The following WIF1 variants were observed in gnomAD, a reference collection of about 807,000 sequenced individuals.
WIF1 encodes Wnt inhibitory factor 1.
WIF1 carries 35 observed loss-of-function variants against 53.5 expected under a neutral mutation model. The ratio of observed to expected loss-of-function variants is 0.65; its 90% CI spans 0.50 to 0.87. The LOEUF is 0.87. Ranked by LOEUF, WIF1 falls within the 40% of genes least tolerant of loss-of-function variation. The pLI, the probability that WIF1 is intolerant of heterozygous loss-of-function variation, is 0.00. For synonymous variants in WIF1, 171 were observed against 170.4 expected (o/e 1.00, Z -0.03); for missense variants, 467 against 476.8 (o/e 0.98, Z 0.19).
At chr12:65,059,266 T>A (rs1882575441) in intron 7 of WIF1, among the ~76,000 whole-genome samples, 1 of 152,216 alleles carries the variant, frequency 6.6e-6, no homozygotes, top group African/African-American at 2.4e-5. Flanking sequence ...GACAGTTAAA[T>A]GAAGAAAACA....
chr12:65,051,525 G>T, intron 9 of WIF1, 55 bp from the exon 10 acceptor site: 1 of 1,500,284 alleles, frequency 6.7e-7, no homozygotes, highest in Non-Finnish European at 8.9e-7. Flanking sequence ...AGGCTCTTCA[G>T]ATTCATTATT....
At chr12:65,075,364 A>T (rs1472782406) in intron 3 of WIF1, among the ~76,000 whole-genome samples, 1 of 152,186 alleles carries the variant, frequency 6.6e-6, no homozygotes, top group Non-Finnish European at 1.5e-5. Flanking sequence ...TCCGAAGGGG[A>T]TTTTTACTTG....
intron 2 of WIF1, among the ~76,000 whole-genome samples, chr12:65,086,883 C>T (rs577742924): frequency 7.9e-5 from 12 of 152,098 alleles, no homozygotes; most frequent in African/African-American, 2.7e-4. Context: ...GTGGCTCACA[C>T]CTGTAATCCC....
intron 2 of WIF1, among the ~76,000 whole-genome samples, chr12:65,104,682 A>G (rs1883329038): frequency 6.6e-6 from 1 of 152,034 alleles, no homozygotes; most frequent in Non-Finnish European, 1.5e-5. Flanking sequence ...AGCATTAGAC[A>G]TTTTCCTCTA....
At chr12:65,087,431 C>T (rs1305717083) in intron 2 of WIF1, among the ~76,000 whole-genome samples, 2 of 152,048 alleles carry the variant, frequency 1.3e-5, no homozygotes, top group Non-Finnish European at 2.9e-5. Context: ...TGTATATTTA[C>T]TTCATTCTAT....
At chr12:65,066,488 T>C (rs939722961) in intron 6 of WIF1, among the ~76,000 whole-genome samples, 153 bp downstream of exon 6, 3 of 152,168 alleles carry the variant, frequency 2.0e-5, no homozygotes, top group Non-Finnish European at 4.4e-5. Flanking sequence ...TATGCTACAC[T>C]AAAATTGGGA....
intron 2 of WIF1, among the ~76,000 whole-genome samples, chr12:65,085,983 G>T (rs1439444596): frequency 6.6e-6 from 1 of 152,074 alleles, no homozygotes; most frequent in African/African-American, 2.4e-5. Context: ...TCTCTTTCAA[G>T]ATGTCTAAAG....
intron 2 of WIF1, among the ~76,000 whole-genome samples, chr12:65,119,635 TAATA>T (rs2136297565): frequency 6.6e-6 from 1 of 152,336 alleles, no homozygotes; most frequent in South Asian, 2.1e-4. Context: ...TTCTACCAAC[TAATA>T]AGCTGAAGAA....
At chr12:65,111,845 C>T (rs538757495) in intron 2 of WIF1, among the ~76,000 whole-genome samples, 9 of 152,350 alleles carry the variant, frequency 5.9e-5, no homozygotes, top group African/African-American at 2.2e-4. Context: ...ACCCTCCTGC[C>T]ACTGTCCCTT....
At chr12:65,080,204 C>A (rs1882926500) in intron 2 of WIF1, among the ~76,000 whole-genome samples, 1 of 152,166 alleles carries the variant, frequency 6.6e-6, no homozygotes, top group African/African-American at 2.4e-5. Context: ...ACCAAATTCC[C>A]ACTGCATCCC....
intron 3 of WIF1, among the ~76,000 whole-genome samples, chr12:65,072,015 C>T (rs1481557092): frequency 6.6e-6 from 1 of 152,032 alleles, no homozygotes; most frequent in Admixed American, 6.6e-5. Context: ...CCCTACTTGT[C>T]TTCGTTTCTG....
At chr12:65,062,789 A>G (rs549232145) in intron 6 of WIF1, among the ~76,000 whole-genome samples, 1 of 152,284 alleles carries the variant, frequency 6.6e-6, no homozygotes, top group South Asian at 2.1e-4. Flanking sequence ...CACACATCAT[A>G]TACTACCCAC....
intron 2 of WIF1, among the ~76,000 whole-genome samples, chr12:65,081,122 AT>A (rs140008206): frequency 0.17 from 25,902 of 151,688 alleles, 3,163 homozygotes; most frequent in African/African-American, 0.34. Context: ...GCATTTATGT[AT>A]TTTTTTTAAA....
In WIF1 at chr12:65,055,144, C is replaced by A. The variant is rs1882503878; in HGVS notation, c.992G>T (p.Gly331Val). Residue 331 changes from glycine (G) to valine (V), a missense_variant, in exon 9 of 10, where the codon GGT (glycine) becomes GTT (valine). Gly to Val is a moderately radical substitution (Grantham distance 109, BLOSUM62 -3). Coordinates refer to ENST00000286574, the MANE Select transcript of WIF1 (RefSeq NM_007191.5). The part of the protein sequence containing the change: ...HEPNKCQCQE[G>V]WHGRHCNKRY... ...TTTATTGCAGTGTCTTCCATGCCAACCTTCTTGACATTGGCATTTGTTGGG... is the reference window on the plus strand; with the variant it reads ...TTTATTGCAGTGTCTTCCATGCCAAACTTCTTGACATTGGCATTTGTTGGG... 1 of 1,614,150 alleles carries A rather than the reference C, an allele frequency of 6.2e-7. No individual in the cohort carries two copies. Among genetic ancestry groups the A allele is most frequent in the African/African-American group, 1.3e-5 (1 of 75,058 alleles).
At chr12:65,101,568 T>C (rs922939228) in intron 2 of WIF1, among the ~76,000 whole-genome samples, 2 of 152,226 alleles carry the variant, frequency 1.3e-5, no homozygotes, top group Non-Finnish European at 2.9e-5. Context: ...TTAATTCTGC[T>C]CAAAATTTGC....
At chr12:65,090,122 G>C (rs1309871675) in intron 2 of WIF1, among the ~76,000 whole-genome samples, 1 of 152,128 alleles carries the variant, frequency 6.6e-6, no homozygotes, top group Non-Finnish European at 1.5e-5. Context: ...TAGACATTTG[G>C]GTCCCAGTCA....
intron 2 of WIF1, among the ~76,000 whole-genome samples, chr12:65,107,441 T>A (rs528809707): frequency 6.6e-6 from 1 of 152,248 alleles, no homozygotes; most frequent in Admixed American, 6.5e-5. Flanking sequence ...CTGGCTAACA[T>A]GCTGAAACCC....
intron 7 of WIF1, among the ~76,000 whole-genome samples, chr12:65,061,675 T>A (rs555703591): frequency 8.5e-5 from 13 of 152,356 alleles, no homozygotes; most frequent in Non-Finnish European, 1.6e-4. Context: ...CCCTTACTTT[T>A]TTAACTTTTG....
intron 2 of WIF1, among the ~76,000 whole-genome samples, chr12:65,115,702 GC>G (rs1454638786): frequency 1.3e-5 from 2 of 152,154 alleles, no homozygotes; most frequent in Non-Finnish European, 2.9e-5. Context: ...TCATCTAAAA[GC>G]CTTGAGAGGA....
Sources: gnomAD v4.1 joint callset for allele counts (sites outside exome capture counted in the v4.1 genomes callset) on GRCh38, gnomAD v4.1.1 for gene constraint, MANE v1.5 for transcripts, NCBI Gene and HGNC (gene_info 2026-07-23, HGNC 2026-07-21) for gene names.